PRRX1: variants seen among roughly 807,000 people sequenced by gnomAD.
PRRX1 encodes the protein paired related homeobox 1.
In PRRX1, 8 loss-of-function variants were observed where a neutral mutation model predicts 24.0. That is an observed-to-expected ratio of 0.33 (90% CI 0.20 to 0.60). The LOEUF (loss-of-function observed/expected upper bound fraction) is 0.60. Among genes scored for constraint, PRRX1 ranks in the 20% least tolerant of loss-of-function variants. The pLI is 0.82. For missense variants in PRRX1, 281 were observed against 322.4 expected (o/e 0.87, Z 0.98); for synonymous variants, 160 against 131.7 (o/e 1.22, Z -1.47).
chr1:170,697,413 T>C (rs1257341310), intron 1 of PRRX1, among the ~76,000 whole-genome samples: 1 of 152,130 alleles, frequency 6.6e-6, no homozygotes, highest in African/African-American at 2.4e-5. Flanking sequence ...TTGCCTGTAT[T>C]TTCTATTTTC....
intron 1 of PRRX1, 83 bp downstream of exon 1, chr1:170,664,542 C>T: frequency 6.7e-7 from 1 of 1,503,396 alleles, no homozygotes. Flanking sequence ...AGCCCGTCCG[C>T]GGCCAGAAAG....
chr1:170,674,399 C>T (rs578134365), intron 1 of PRRX1, among the ~76,000 whole-genome samples: 2 of 152,290 alleles, frequency 1.3e-5, no homozygotes, highest in Admixed American at 6.5e-5. Context: ...CTCTGTGCCT[C>T]GTTTTTGCAA....
intron 1 of PRRX1, among the ~76,000 whole-genome samples, chr1:170,716,975 T>A (rs1223614035): frequency 6.6e-6 from 1 of 152,228 alleles, no homozygotes; most frequent in Non-Finnish European, 1.5e-5. Flanking sequence ...ATTTTGTGAT[T>A]AGTGAGCAAA....
intron 1 of PRRX1, among the ~76,000 whole-genome samples, chr1:170,719,186 T>A (rs1346240763): frequency 6.6e-6 from 1 of 152,232 alleles, no homozygotes; most frequent in Non-Finnish European, 1.5e-5. Context: ...TACTTGCTGC[T>A]TCAAGGAGAG....
upstream of PRRX1, chr1:170,663,875 T>A (rs917957350): frequency 1.2e-5 from 3 of 252,042 alleles, no homozygotes; most frequent in East Asian, 2.0e-4. Context: ...TTGGAAGGGA[T>A]TTTTTTCTCC....
intron 1 of PRRX1, among the ~76,000 whole-genome samples, chr1:170,693,511 CT>C (rs1237765140): frequency 6.6e-6 from 1 of 152,034 alleles, no homozygotes; most frequent in African/African-American, 2.4e-5. Flanking sequence ...CAACAGTTGA[CT>C]TTTTTGCTGG....
At chr1:170,702,628 G>A (rs1654421685) in intron 1 of PRRX1, among the ~76,000 whole-genome samples, 1 of 152,118 alleles carries the variant, frequency 6.6e-6, no homozygotes, top group African/African-American at 2.4e-5. Flanking sequence ...GCTTTTACCC[G>A]TGTTCATGTA....
chr1:170,719,217 T>G (rs1348412198), intron 1 of PRRX1, among the ~76,000 whole-genome samples: 2 of 152,262 alleles, frequency 1.3e-5, no homozygotes, highest in African/African-American at 4.8e-5. Context: ...AACAAATCCC[T>G]GTAATGTGGT....
chr1:170,731,737 T>G (rs978585771), intron 3 of PRRX1, among the ~76,000 whole-genome samples: 3 of 152,216 alleles, frequency 2.0e-5, no homozygotes, highest in Non-Finnish European at 4.4e-5. Flanking sequence ...CTGCTCTCTA[T>G]GGCTGTGTTG....
At chr1:170,704,574 G>T (rs951528312) in intron 1 of PRRX1, among the ~76,000 whole-genome samples, 1 of 152,156 alleles carries the variant, frequency 6.6e-6, no homozygotes, top group South Asian at 2.1e-4. Context: ...TGTTCTTAAA[G>T]GAACCTTGAG....
At chr1:170,704,425 G>A (rs1189529602) in intron 1 of PRRX1, among the ~76,000 whole-genome samples, 1 of 152,140 alleles carries the variant, frequency 6.6e-6, no homozygotes, top group Non-Finnish European at 1.5e-5. Flanking sequence ...TTTGGCATGA[G>A]ACCACAAAAA....
intron 1 of PRRX1, among the ~76,000 whole-genome samples, chr1:170,687,780 T>G (rs1465464672): frequency 6.6e-6 from 1 of 152,192 alleles, no homozygotes; most frequent in South Asian, 2.1e-4. Flanking sequence ...TGTGGATATA[T>G]CCTTGAAATA....
chr1:170,706,732 C>G (rs1039038319), intron 1 of PRRX1, among the ~76,000 whole-genome samples: 20 of 152,292 alleles, frequency 1.3e-4, no homozygotes, highest in African/African-American at 4.8e-4. Flanking sequence ...TCTCTCAGGT[C>G]AAGAAGTTAC....
chr1:170,674,712 T>C (rs1026464307), intron 1 of PRRX1, among the ~76,000 whole-genome samples: 12 of 152,146 alleles, frequency 7.9e-5, no homozygotes, highest in Admixed American at 7.9e-4. Flanking sequence ...TCCTTTTTTT[T>C]CTCCCCTCCT....
chr1:170,715,142 C>A (rs1173404810), intron 1 of PRRX1, among the ~76,000 whole-genome samples: 1 of 152,086 alleles, frequency 6.6e-6, no homozygotes, highest in Non-Finnish European at 1.5e-5. Flanking sequence ...GATAAAGAAA[C>A]ACTGCAAAAG....
In PRRX1 at chr1:170,664,248, G is replaced by A. The variant is rs1652831944; in HGVS notation, c.30G>A (p.Glu10=). 3 of 1,612,264 alleles carry A rather than the reference G, an allele frequency of 1.9e-6. No homozygotes were observed. Among genetic ancestry groups the A allele is most frequent in the East Asian group, 2.2e-5 (1 of 44,794 alleles). ...CCTCCAGCTACGGGCACGTTCTGGA[G>A]CGGCAACCGGCGCTGGGCGGCCGCT... MTSSYGHVL[E]RQPALGGRLD... is the part of the protein sequence containing the mutation. The change falls in exon 1 of 4, where the codon GAG becomes GAA. Residue 10 remains glutamate (E), a synonymous_variant. Coordinates refer to ENST00000239461, the MANE Select transcript of PRRX1 (RefSeq NM_022716.4).
At chr1:170,691,536 T>C (rs186310060) in intron 1 of PRRX1, among the ~76,000 whole-genome samples, 21 of 144,482 alleles carry the variant, frequency 1.5e-4, no homozygotes, top group African/African-American at 3.6e-4. Context: ...CCTCCCTCTC[T>C]TCCTTCCTTC....
intron 1 of PRRX1, among the ~76,000 whole-genome samples, chr1:170,694,899 G>C (rs549439716): frequency 6.6e-6 from 1 of 152,266 alleles, no homozygotes; most frequent in East Asian, 1.9e-4. Flanking sequence ...TAAGAATTAA[G>C]AGGAGGCTAA....
chr1:170,730,746 C>G (rs915251860), intron 3 of PRRX1: 1 of 198,188 alleles, frequency 5.0e-6, no homozygotes, highest in African/African-American at 2.4e-5. Flanking sequence ...GAACTACGTT[C>G]TTGTCCTGGC....
Sources: allele counts gnomAD v4.1 joint callset (sites outside exome capture counted in the v4.1 genomes callset), GRCh38; gene constraint gnomAD v4.1.1; transcripts MANE v1.5; gene names NCBI Gene and HGNC (gene_info 2026-07-23, HGNC 2026-07-21).